Variants in SPHKAP observed in about 807,000 individuals in gnomAD.
SPHKAP encodes the protein SPHK1 interactor, AKAP domain containing, also known as A-kinase anchor protein SPHKAP.
Under a neutral mutation model 137.5 loss-of-function variants are expected in SPHKAP, and 67 were observed. The observed-to-expected ratio is 0.49, with a 90% confidence interval of 0.40 to 0.60. The LOEUF is 0.60. SPHKAP is among the 20% of genes least tolerant of loss of function. SPHKAP has a pLI of 0.00. For synonymous variants in SPHKAP, 813 were observed against 785.3 expected, an observed-to-expected ratio of 1.04 and a Z score of -0.59; for missense variants, 2,097 against 2,069.3, an observed-to-expected ratio of 1.01 and a Z score of -0.26.
At chr2:228,001,893 A>G (rs898120619) in intron 7 of SPHKAP, among the ~76,000 whole-genome samples, 17 of 152,266 alleles carry the variant, frequency 1.1e-4, no homozygotes, top group African/African-American at 4.1e-4. Flanking sequence ...TACAAAGGAC[A>G]TGAACTCTTC....
At chr2:228,093,385 C>T (rs1423298845) in intron 3 of SPHKAP, among the ~76,000 whole-genome samples, 1 of 152,122 alleles carries the variant, frequency 6.6e-6, no homozygotes, top group Non-Finnish European at 1.5e-5. Context: ...ACAATGCAAA[C>T]CTTCCTCAAC....
chr2:228,027,226 A>G (rs1695077541), intron 4 of SPHKAP, among the ~76,000 whole-genome samples: 1 of 152,200 alleles, frequency 6.6e-6, no homozygotes, highest in Non-Finnish European at 1.5e-5. Flanking sequence ...GTCATCTACA[A>G]ATAGTCATTT....
intron 3 of SPHKAP, among the ~76,000 whole-genome samples, chr2:228,099,203 T>G (rs1457391293): frequency 6.6e-6 from 1 of 152,222 alleles, no homozygotes; most frequent in Non-Finnish European, 1.5e-5. Flanking sequence ...TGAGTTAATT[T>G]GTATATATGG....
chr2:227,990,731 A>C (rs1693380892), intron 11 of SPHKAP, among the ~76,000 whole-genome samples: 1 of 152,218 alleles, frequency 6.6e-6, no homozygotes, highest in East Asian at 1.9e-4. Flanking sequence ...AAACACCAAA[A>C]AAATAACAGA....
At chr2:228,025,925 A>C (rs1157274902) in intron 4 of SPHKAP, 2 of 944,050 alleles carry the variant, frequency 2.1e-6, no homozygotes, top group Non-Finnish European at 2.5e-6. Flanking sequence ...CCCCATCCAA[A>C]TCTCATCTTG....
chr2:228,136,798 T>C (rs1699449082), intron 1 of SPHKAP, among the ~76,000 whole-genome samples: 1 of 152,172 alleles, frequency 6.6e-6, no homozygotes, highest in South Asian at 2.1e-4. Flanking sequence ...ATTCTGATAC[T>C]GAGAAAAATA....
At chr2:228,036,999 A>T (rs1695640795) in intron 3 of SPHKAP, among the ~76,000 whole-genome samples, 1 of 152,090 alleles carries the variant, frequency 6.6e-6, no homozygotes, top group South Asian at 2.1e-4. Flanking sequence ...AAACCTGCAC[A>T]TTGTGCGCAT....
intron 3 of SPHKAP, among the ~76,000 whole-genome samples, chr2:228,060,057 T>A (rs544490262): frequency 6.6e-6 from 1 of 152,320 alleles, no homozygotes; most frequent in South Asian, 2.1e-4. Flanking sequence ...AACTAAAAGT[T>A]TGAAGACAAT....
intron 2 of SPHKAP, among the ~76,000 whole-genome samples, chr2:228,130,393 A>G (rs1699211509): frequency 2.0e-5 from 3 of 152,178 alleles, no homozygotes; most frequent in Admixed American, 1.3e-4. Flanking sequence ...AACATTTCAC[A>G]TCTATTAATT....
At chr2:228,105,305 T>C (rs1181584157) in intron 3 of SPHKAP, among the ~76,000 whole-genome samples, 1 of 152,214 alleles carries the variant, frequency 6.6e-6, no homozygotes, top group Non-Finnish European at 1.5e-5. Flanking sequence ...TCAAGAGTAC[T>C]GACAAGTTCA....
At chr2:228,050,102 C>T (rs907959699) in intron 3 of SPHKAP, among the ~76,000 whole-genome samples, 7 of 152,126 alleles carry the variant, frequency 4.6e-5, no homozygotes, top group Non-Finnish European at 1.0e-4. Context: ...ATCAACATTA[C>T]TAATTCTCAC....
At chr2:228,053,145 G>A (rs1429979605) in intron 3 of SPHKAP, among the ~76,000 whole-genome samples, 1 of 152,002 alleles carries the variant, frequency 6.6e-6, no homozygotes, top group Non-Finnish European at 1.5e-5. Context: ...ATCACCTGGT[G>A]GAAAGAGAGC....
intron 7 of SPHKAP, among the ~76,000 whole-genome samples, chr2:228,001,936 A>G (rs1437983396): frequency 6.6e-6 from 1 of 152,122 alleles, no homozygotes; most frequent in Non-Finnish European, 1.5e-5. Context: ...TCCATAGTGT[A>G]TATGTGCCAC....
Position 228,001,436 on chromosome 2 carries a change from T to TATATACATATATAA in SPHKAP, c.4449-5743_4449-5742insTTATATATGTATAT, listed in dbSNP as rs1209737928. Among the ~76,000 whole-genome samples the TATATACATATATAA allele has an allele frequency of 4.8e-3, 584 of 122,814 alleles. 2 individuals carry two copies. Among genetic ancestry groups the TATATACATATATAA allele is most frequent in the African/African-American group, 0.013 (505 of 37,472 alleles). 80.6% of individuals were successfully genotyped at this position (122,814 alleles called of 152,430 possible). On this transcript the variant is annotated intron_variant, in intron 7 of 11. Coordinates refer to ENST00000392056, the MANE Select transcript of SPHKAP (RefSeq NM_001142644.2). ...ATATATAAATATATACATATATAAATATATATATGTATATATACGAATATA... is the reference window on the plus strand; with the variant it reads ...ATATATAAATATATACATATATAAATATATACATATATAAATATATATGTATATATACGAATATA...
At chr2:228,048,757 T>C (rs1696154232) in intron 3 of SPHKAP, among the ~76,000 whole-genome samples, 1 of 152,126 alleles carries the variant, frequency 6.6e-6, no homozygotes, top group Non-Finnish European at 1.5e-5. Flanking sequence ...ATTAGTAATG[T>C]TGTTCATTTC....
intron 3 of SPHKAP, among the ~76,000 whole-genome samples, chr2:228,037,341 T>A (rs970815163): frequency 1.3e-5 from 2 of 152,208 alleles, no homozygotes; most frequent in South Asian, 4.1e-4. Flanking sequence ...ACATGTCTGA[T>A]GATTGGAAGA....
At chr2:228,110,143 G>A (rs966990858) in intron 2 of SPHKAP, among the ~76,000 whole-genome samples, 5 of 151,826 alleles carry the variant, frequency 3.3e-5, no homozygotes, top group Admixed American at 6.6e-5. Context: ...AAATAGGATA[G>A]TACTTCAATT....
intron 11 of SPHKAP, among the ~76,000 whole-genome samples, chr2:227,987,028 C>T (rs1206362718): frequency 1.3e-5 from 2 of 152,144 alleles, no homozygotes; most frequent in Non-Finnish European, 2.9e-5. Flanking sequence ...CAATCTTTCC[C>T]CTGGGATTTA....
At chr2:228,036,052 A>G (rs1008720572) in intron 3 of SPHKAP, among the ~76,000 whole-genome samples, 43 of 150,928 alleles carry the variant, frequency 2.8e-4, no homozygotes, top group Admixed American at 1.5e-3. Flanking sequence ...TAAACTAAAG[A>G]GCTTCTGCAC....
Sources: gnomAD v4.1 joint callset for allele counts (sites outside exome capture counted in the v4.1 genomes callset) on GRCh38, gnomAD v4.1.1 for gene constraint, MANE v1.5 for transcripts, NCBI Gene and HGNC (gene_info 2026-07-23, HGNC 2026-07-21) for gene names.